The following MAP2K6 variants were observed in gnomAD, a reference collection of about 807,000 sequenced individuals.
The protein encoded by MAP2K6 is mitogen-activated protein kinase kinase 6, also known as dual specificity mitogen-activated protein kinase kinase 6.
Under a neutral mutation model 53.7 loss-of-function variants are expected in MAP2K6, and 16 were observed. The ratio of observed to expected loss-of-function variants is 0.30; its 90% CI spans 0.20 to 0.45. MAP2K6 has a LOEUF of 0.45. MAP2K6 is among the 20% of genes least tolerant of loss of function. The pLI is 1.00. For synonymous variants in MAP2K6, 132 were observed against 143.1 expected (o/e 0.92, Z 0.55); for missense variants, 204 against 411.9 (o/e 0.50, Z 4.37).
intron 1 of MAP2K6, among the ~76,000 whole-genome samples, chr17:69,417,911 T>A (rs1458120075): frequency 1.3e-5 from 2 of 152,164 alleles, no homozygotes; most frequent in Non-Finnish European, 2.9e-5. Context: ...CTTTAAAAAA[T>A]ATTAGTTTAT....
intron 1 of MAP2K6, chr17:69,435,532 T>C (rs1359805581): frequency 1.6e-5 from 2 of 121,936 alleles, no homozygotes; most frequent in African/African-American, 6.4e-5. Flanking sequence ...AGATCCTGTC[T>C]CAAAAAAAAA....
At chr17:69,533,770 A>G (rs146813126) in intron 10 of MAP2K6, among the ~76,000 whole-genome samples, 2 of 147,762 alleles carry the variant, frequency 1.4e-5, no homozygotes, top group African/African-American at 5.0e-5. Context: ...GTCTGTGTGC[A>G]AGTCAGCAAC....
At chr17:69,503,145 C>A (rs148570876) in intron 1 of MAP2K6, among the ~76,000 whole-genome samples, 2 of 152,196 alleles carry the variant, frequency 1.3e-5, no homozygotes, top group African/African-American at 4.8e-5. Flanking sequence ...TGTAGGGTCG[C>A]CTTTTGGGAT....
At chr17:69,471,124 A>G (rs1354250719) in intron 1 of MAP2K6, among the ~76,000 whole-genome samples, 3 of 152,212 alleles carry the variant, frequency 2.0e-5, no homozygotes, top group Non-Finnish European at 4.4e-5. Context: ...AGGGTAGGAA[A>G]AAAATGAACT....
intron 11 of MAP2K6, among the ~76,000 whole-genome samples, chr17:69,540,899 A>G (rs1402669609): frequency 6.6e-6 from 1 of 152,194 alleles, no homozygotes; most frequent in Non-Finnish European, 1.5e-5. Context: ...GGCGAGGGCT[A>G]CCTTCCTTGC....
rs764233011 is a variant in MAP2K6 at position 69,519,509 on chromosome 17, C to T, written c.366+77C>T. The T allele has an allele frequency of 3.3e-5, 52 of 1,563,010 alleles. 1 individual carries two copies. In the South Asian group the frequency reaches 5.7e-4, roughly 17 times the overall value. ...GTTTCTTTGATCACGTAAATGCCTT[C>T]ACAATCATGGAGCTCTTTCTTGTTT... On this transcript the variant is annotated intron_variant, in intron 5 of 11. Transcript: ENST00000590474.
At chr17:69,448,630 C>T (rs1416050729) in intron 1 of MAP2K6, among the ~76,000 whole-genome samples, 3 of 152,038 alleles carry the variant, frequency 2.0e-5, no homozygotes, top group African/African-American at 2.4e-5. Context: ...CACATCTCCA[C>T]TCTTGACCCC....
chr17:69,533,531 A>G (rs983596227), intron 10 of MAP2K6, among the ~76,000 whole-genome samples: 9 of 152,166 alleles, frequency 5.9e-5, no homozygotes, highest in Admixed American at 1.3e-4. Flanking sequence ...CCTCAGTGAG[A>G]GTGTTCCAGA....
chr17:69,509,715 A>G (rs1037962974), intron 2 of MAP2K6, among the ~76,000 whole-genome samples: 1 of 152,150 alleles, frequency 6.6e-6, no homozygotes, highest in Non-Finnish European at 1.5e-5. Context: ...TCTTAGAGGG[A>G]AAGCATTTAG....
intron 1 of MAP2K6, among the ~76,000 whole-genome samples, chr17:69,457,658 A>T (rs529437222): frequency 1.8e-4 from 27 of 152,292 alleles, no homozygotes; most frequent in African/African-American, 6.0e-4. Flanking sequence ...AACAAAAATT[A>T]GCTGGGCACG....
chr17:69,514,130 G>C (rs888931045), intron 2 of MAP2K6, among the ~76,000 whole-genome samples: 1 of 151,838 alleles, frequency 6.6e-6, no homozygotes, highest in Non-Finnish European at 1.5e-5. Context: ...AAAAAATCAG[G>C]GTGTTGAATA....
intron 2 of MAP2K6, among the ~76,000 whole-genome samples, chr17:69,508,548 C>T (rs146987664): frequency 6.6e-6 from 1 of 152,206 alleles, no homozygotes; most frequent in Non-Finnish European, 1.5e-5. Context: ...GACACGAGGA[C>T]TTTGTCCGAT....
chr17:69,487,360 A>C (rs1293151477), intron 1 of MAP2K6, among the ~76,000 whole-genome samples: 1 of 152,222 alleles, frequency 6.6e-6, no homozygotes, highest in Non-Finnish European at 1.5e-5. Flanking sequence ...AGTGATCATT[A>C]AATTAAGCAA....
intron 1 of MAP2K6, among the ~76,000 whole-genome samples, chr17:69,486,975 G>A (rs1248532412): frequency 6.6e-6 from 1 of 152,224 alleles, no homozygotes; most frequent in African/African-American, 2.4e-5. Flanking sequence ...GTTGGGCAAA[G>A]GTCGTGGCAA....
At chr17:69,464,841 G>A (rs1598275056) in intron 1 of MAP2K6, among the ~76,000 whole-genome samples, 1 of 151,888 alleles carries the variant, frequency 6.6e-6, no homozygotes. Flanking sequence ...TCAGCCTCCC[G>A]AGTAGCTGGG....
chr17:69,550,988 G>A lies in MAP2K6; in HGVS notation c.*9235G>A, dbSNP rs1425820908. The stretch of plus-strand genomic sequence containing the variant: ...GACAGGGTCATTTAATTTTAATTGA[G>A]CATAAATCATTTTGAAAGAAAAATG... On this transcript the variant is annotated 3_prime_UTR_variant, in exon 12 of 12. Coordinates refer to ENST00000590474, the MANE Select transcript of MAP2K6 (RefSeq NM_002758.4). 1 of 152,162 alleles carries A rather than the reference G, an allele frequency of 6.6e-6. No homozygotes were observed. Among genetic ancestry groups the A allele is most frequent in the East Asian group, 1.9e-4 (1 of 5,200 alleles). The allele number at this position is 152,162 out of a possible 1,614,324, so 9.4% of individuals were successfully genotyped here. A position where few individuals can be genotyped will look rare whatever the true frequency, so the allele number is the denominator to read the frequency against.
chr17:69,491,916 G>A (rs113895211), intron 1 of MAP2K6, among the ~76,000 whole-genome samples: 3,946 of 152,050 alleles, frequency 0.026, 182 homozygotes, highest in African/African-American at 0.086. Flanking sequence ...TCAGTGATGA[G>A]CTTTTTTTCA....
chr17:69,534,978 C>CTT (rs561587561), intron 10 of MAP2K6, among the ~76,000 whole-genome samples: 6 of 142,232 alleles, frequency 4.2e-5, no homozygotes, highest in African/African-American at 1.0e-4. Context: ...CTTTCTTTTT[C>CTT]TTTTTTTTTT....
chr17:69,534,417 TCTGC>T (rs1296241960), intron 10 of MAP2K6, among the ~76,000 whole-genome samples: 1 of 152,168 alleles, frequency 6.6e-6, no homozygotes, highest in Non-Finnish European at 1.5e-5. Context: ...AGGTCCTAGG[TCTGC>T]CCTCAGTTCC....
Sources: allele counts gnomAD v4.1 joint callset (sites outside exome capture counted in the v4.1 genomes callset), GRCh38; gene constraint gnomAD v4.1.1; transcripts MANE v1.5; gene names NCBI Gene and HGNC (gene_info 2026-07-23, HGNC 2026-07-21).